The following TBC1D5 variants were observed in gnomAD, a reference collection of about 807,000 sequenced individuals.
The protein encoded by TBC1D5 is TBC1 domain family, member 5.
Under a neutral mutation model 100.3 loss-of-function variants are expected in TBC1D5, and 75 were observed. The observed-to-expected ratio is 0.75, with a 90% CI of 0.62 to 0.91. The LOEUF (loss-of-function observed/expected upper bound fraction) is 0.91, where lower values mean the gene tolerates loss of function less well. Among genes scored for constraint, TBC1D5 ranks in the 40% least tolerant of loss-of-function variants. The pLI, the probability that TBC1D5 is intolerant of heterozygous loss-of-function variation, is 0.00. For synonymous variants in TBC1D5, 323 were observed against 325.6 expected, an observed-to-expected ratio of 0.99 and a Z score of 0.09; for missense variants, 910 against 942.4, an observed-to-expected ratio of 0.97 and a Z score of 0.45.
chr3:17,371,848 G>A (rs1214917041), intron 13 of TBC1D5, among the ~76,000 whole-genome samples: 5 of 152,082 alleles, frequency 3.3e-5, no homozygotes, highest in Non-Finnish European at 5.9e-5. Context: ...GGGGAGCCTG[G>A]CCAACATGGT....
In TBC1D5 at chr3:17,480,009, G is replaced by A. The variant is rs530541873; in HGVS notation, c.97+28465C>T. On this transcript the variant is annotated intron_variant, in intron 3 of 21. Coordinates refer to ENST00000253692, the Ensembl canonical transcript of TBC1D5. ...CCCTTGTCCCTGCAGCTTTGAAAGT[G>A]CCTGATCCTGTGGCCTGGCCTCTCC... Among the ~76,000 whole-genome samples, 17 of 152,320 alleles carry A rather than the reference G, an allele frequency of 1.1e-4. 1 individual carries two copies. In the South Asian group the frequency reaches 2.7e-3, roughly 24 times the overall value.
intron 17 of TBC1D5, among the ~76,000 whole-genome samples, chr3:17,226,121 C>A (rs891939972): frequency 6.6e-6 from 1 of 150,396 alleles, no homozygotes; most frequent in African/African-American, 2.5e-5. Flanking sequence ...AAAGGATGCA[C>A]TCTCAGACTT....
At chr3:17,600,838 A>T (rs934530822) in intron 2 of TBC1D5, among the ~76,000 whole-genome samples, 1 of 152,206 alleles carries the variant, frequency 6.6e-6, no homozygotes, top group Non-Finnish European at 1.5e-5. Flanking sequence ...GGGGGAAAAA[A>T]ACTGCCCAAA....
chr3:17,498,644 T>C (rs1476872216), intron 3 of TBC1D5, among the ~76,000 whole-genome samples: 1 of 152,172 alleles, frequency 6.6e-6, no homozygotes, highest in East Asian at 1.9e-4. Flanking sequence ...GATGTGAACA[T>C]CTACAAATGT....
In TBC1D5 at chr3:17,218,140, G is replaced by A. The variant is rs78141739; in HGVS notation, c.1589-3770C>T. Among the ~76,000 whole-genome samples, 278 of 152,012 alleles carry A rather than the reference G, an allele frequency of 1.8e-3. 1 individual carries two copies. The highest frequency in any genetic ancestry group is 6.2e-3 in the African/African-American group (258 of 41,508). On this transcript the variant is annotated intron_variant, in intron 17 of 21. Coordinates refer to ENST00000253692, the Ensembl canonical transcript of TBC1D5. The stretch of plus-strand genomic sequence containing the variant: ...TTCCACATAAATAATCTTGGCACCC[G>A]TGCTGAATATCAACTTACCATACTC...
intron 13 of TBC1D5, among the ~76,000 whole-genome samples, chr3:17,360,813 G>A (rs1275448020): frequency 1.3e-5 from 2 of 151,652 alleles, no homozygotes; most frequent in Non-Finnish European, 3.0e-5. Context: ...CTCATTAGAA[G>A]GTAAATACTT....
chr3:17,284,089 T>C (rs2080891457), intron 15 of TBC1D5, among the ~76,000 whole-genome samples: 2 of 132,716 alleles, frequency 1.5e-5, no homozygotes, highest in African/African-American at 3.0e-5. Flanking sequence ...CTCATTATTT[T>C]ACACACACAC....
At chr3:17,475,194 A>G (rs2095424391) in intron 3 of TBC1D5, among the ~76,000 whole-genome samples, 2 of 149,720 alleles carry the variant, frequency 1.3e-5, no homozygotes, top group African/African-American at 4.9e-5. Flanking sequence ...ACCCGTTTAT[A>G]TATTCCCAAA....
intron 1 of TBC1D5, among the ~76,000 whole-genome samples, chr3:17,626,830 G>C (rs2063103597): frequency 6.6e-6 from 1 of 152,084 alleles, no homozygotes; most frequent in Admixed American, 6.5e-5. Flanking sequence ...AAAAATGAAA[G>C]CATTTTTGTT....
chr3:17,722,376 T>A lies in TBC1D5; in HGVS notation c.-101+16967A>T, dbSNP rs560314020. Reference sequence around the variant, plus strand: ...TGGGACCCTAGTATAAACATAAAATTCATTTATCTTTCATTTATACCTTAT... The same window carrying A: ...TGGGACCCTAGTATAAACATAAAATACATTTATCTTTCATTTATACCTTAT... On this transcript the variant is annotated intron_variant, in intron 1 of 21. Coordinates refer to ENST00000253692, the Ensembl canonical transcript of TBC1D5. Among the ~76,000 whole-genome samples the A allele has an allele frequency of 2.1e-4, 32 of 152,274 alleles. No individual in the cohort carries two copies. The South Asian group carries it at 6.4e-3, about 31-fold the overall frequency.
intron 3 of TBC1D5, among the ~76,000 whole-genome samples, chr3:17,440,147 GC>G (rs2094620599): frequency 6.6e-6 from 1 of 152,126 alleles, no homozygotes; most frequent in African/African-American, 2.4e-5. Flanking sequence ...CCAAAGCAAT[GC>G]ACAATGACAA....
chr3:17,275,858 A>G (rs925141668), intron 15 of TBC1D5, among the ~76,000 whole-genome samples: 13 of 152,164 alleles, frequency 8.5e-5, no homozygotes, highest in African/African-American at 2.9e-4. Context: ...AGAGTCTCAG[A>G]GTCCGGTTTC....
chr3:17,670,180 G>A (rs55974984), intron 1 of TBC1D5, among the ~76,000 whole-genome samples: 8,731 of 152,212 alleles, frequency 0.057, 599 homozygotes, highest in East Asian at 0.31. Flanking sequence ...GAGCCACCAC[G>A]CCCGGCCAGA....
chr3:17,584,915 C>G (rs1205053388), intron 2 of TBC1D5, among the ~76,000 whole-genome samples: 1 of 152,182 alleles, frequency 6.6e-6, no homozygotes, highest in Non-Finnish European at 1.5e-5. Flanking sequence ...CTCAGACTCC[C>G]AAAGTGCTGG....
chr3:17,296,258 G>C (rs1196766773), intron 14 of TBC1D5, among the ~76,000 whole-genome samples: 2 of 152,142 alleles, frequency 1.3e-5, no homozygotes, highest in Admixed American at 6.5e-5. Context: ...AAAGGAAAAA[G>C]TTTTTCTCAT....
intron 3 of TBC1D5, among the ~76,000 whole-genome samples, chr3:17,438,806 G>A (rs989283500): frequency 6.6e-6 from 1 of 151,808 alleles, no homozygotes; most frequent in Admixed American, 6.6e-5. Flanking sequence ...TCCAACAAAA[G>A]CTTAAATAAA....
Position 17,704,560 on chromosome 3 carries a change from C to A in TBC1D5, c.-101+34783G>T, listed in dbSNP as rs1448150712. ...CTGGCCGGGCGGGGGGCCGACCCCC[C>A]CCACCTCCCTCCCGGACGGGGCGGC... On this transcript the variant is annotated intron_variant, in intron 1 of 21. Coordinates refer to ENST00000253692, the Ensembl canonical transcript of TBC1D5. Among the ~76,000 whole-genome samples, 7 of 84,340 alleles carry A rather than the reference C, an allele frequency of 8.3e-5. 2 individuals are homozygous for A. The highest frequency in any genetic ancestry group is 1.7e-4 in the Non-Finnish European group (7 of 41,534). 55.3% of individuals were successfully genotyped at this position (84,340 alleles called of 152,430 possible).
At chr3:17,508,034 G>C (rs1248874960) in intron 3 of TBC1D5, among the ~76,000 whole-genome samples, 7 of 149,398 alleles carry the variant, frequency 4.7e-5, no homozygotes, top group Admixed American at 1.3e-4. Flanking sequence ...AAAAGAGGAT[G>C]AACAAATTTC....
chr3:17,368,332 A>C (rs990966788), intron 13 of TBC1D5, among the ~76,000 whole-genome samples: 1 of 152,118 alleles, frequency 6.6e-6, no homozygotes, highest in East Asian at 1.9e-4. Flanking sequence ...AAAATGCAGC[A>C]AGTGTACATA....
Sources: allele counts gnomAD v4.1 joint callset (sites outside exome capture counted in the v4.1 genomes callset), GRCh38; gene constraint gnomAD v4.1.1; transcripts MANE v1.5; gene names NCBI Gene and HGNC (gene_info 2026-07-23, HGNC 2026-07-21).